The following APBA2 variants were observed in gnomAD, a reference collection of about 807,000 sequenced individuals.
APBA2 encodes the protein amyloid-beta A4 precursor protein-binding family A member 2.
In APBA2, 30 loss-of-function variants were observed where a neutral mutation model predicts 75.0. The ratio of observed to expected loss-of-function variants is 0.40; its 90% CI spans 0.30 to 0.54. The LOEUF (loss-of-function observed/expected upper bound fraction) is 0.54. APBA2 is among the 20% of genes least tolerant of loss of function. The probability of loss-of-function intolerance (pLI) is 0.49; values close to 1 mark genes in which losing one functional copy is unlikely to be tolerated. For missense variants in APBA2, 801 were observed against 1,016.1 expected (o/e 0.79, Z 2.88); for synonymous variants, 444 against 409.6 (o/e 1.08, Z -1.01).
chr15:28,958,313 G>A (rs893880511), intron 2 of APBA2, among the ~76,000 whole-genome samples: 2 of 152,240 alleles, frequency 1.3e-5, no homozygotes, highest in Non-Finnish European at 2.9e-5. Context: ...CTTTGAGTGA[G>A]CAAGACAGAA....
intron 4 of APBA2, among the ~76,000 whole-genome samples, chr15:29,074,493 A>AGGTTGG (rs988831468): frequency 2.0e-5 from 3 of 152,140 alleles, no homozygotes; most frequent in Non-Finnish European, 4.4e-5. Context: ...GCAGGGGCTC[A>AGGTTGG]GGTTGGGGTT....
intron 2 of APBA2, among the ~76,000 whole-genome samples, chr15:28,985,823 A>G (rs1195217049): frequency 6.6e-6 from 1 of 152,136 alleles, no homozygotes; most frequent in Non-Finnish European, 1.5e-5. Flanking sequence ...CTGGAATCTG[A>G]AGGAAGGAGA....
chr15:28,927,745 T>C (rs2034349966), intron 2 of APBA2, among the ~76,000 whole-genome samples: 1 of 151,814 alleles, frequency 6.6e-6, no homozygotes, highest in South Asian at 2.1e-4. Context: ...ATTCTTTGTG[T>C]GCATGTGTGT....
chr15:28,997,726 C>T (rs1049061580), intron 3 of APBA2, among the ~76,000 whole-genome samples: 4 of 152,114 alleles, frequency 2.6e-5, no homozygotes, highest in Non-Finnish European at 5.9e-5. Flanking sequence ...TCTATTTATG[C>T]CTGTAAGGTA....
intron 2 of APBA2, among the ~76,000 whole-genome samples, chr15:28,954,324 C>T (rs2036050334): frequency 6.6e-6 from 1 of 152,156 alleles, no homozygotes; most frequent in African/African-American, 2.4e-5. Flanking sequence ...AATGCTCCTC[C>T]GACCAGAGCT....
intron 10 of APBA2, 131 bp downstream of exon 10, chr15:29,101,915 A>G: frequency 2.2e-6 from 2 of 922,926 alleles, no homozygotes; most frequent in Non-Finnish European, 1.7e-6. Flanking sequence ...CCAGTGGATC[A>G]GTGATCTTTT....
intron 2 of APBA2, among the ~76,000 whole-genome samples, chr15:28,948,078 T>TG (rs771513185): frequency 3.3e-5 from 5 of 152,182 alleles, no homozygotes; most frequent in Admixed American, 1.3e-4. Context: ...AGAGAGGTGA[T>TG]GATGTGGTTA....
intron 2 of APBA2, among the ~76,000 whole-genome samples, chr15:28,962,103 C>T (rs761715942): frequency 6.6e-6 from 1 of 151,978 alleles, no homozygotes; most frequent in Admixed American, 6.6e-5. Flanking sequence ...ACTCCTGGGG[C>T]GTGAACGTGT....
chr15:28,926,387 T>G (rs940264516), intron 2 of APBA2, among the ~76,000 whole-genome samples: 1 of 152,186 alleles, frequency 6.6e-6, no homozygotes, highest in African/African-American at 2.4e-5. Context: ...AAGCCCACCT[T>G]CAAATAACAC....
In APBA2 at chr15:29,054,919, G is replaced by A; in HGVS notation, c.951+84G>A. On this transcript the variant is annotated intron_variant, in intron 4 of 14. Coordinates refer to ENST00000683413, the MANE Select transcript of APBA2 (RefSeq NM_001353788.2). The surrounding 1 kb of genome is among the most constrained non-coding windows in gnomAD (Gnocchi z 6.1). ...GGGTACAGGCCTTGCAGATGCTGAA[G>A]CGAGGCGGTGGGGGGTGCTGGGTGC... 2 of 1,351,938 alleles carry A rather than the reference G, an allele frequency of 1.5e-6. No homozygotes were observed. The highest frequency in any genetic ancestry group is 2.0e-6 in the Non-Finnish European group (2 of 979,262). 83.7% of individuals were successfully genotyped at this position (1,351,938 alleles called of 1,614,324 possible).
At chr15:29,092,021 A>T (rs2043597964) in intron 6 of APBA2, among the ~76,000 whole-genome samples, 1 of 152,216 alleles carries the variant, frequency 6.6e-6, no homozygotes, top group Admixed American at 6.5e-5. Context: ...CTGAGAGGAC[A>T]GCCAAGCCAC....
chr15:28,926,075 AAGT>A (rs1285106299), intron 2 of APBA2, among the ~76,000 whole-genome samples: 2 of 152,150 alleles, frequency 1.3e-5, no homozygotes, highest in African/African-American at 4.8e-5. Context: ...TCTGCATTTA[AAGT>A]AGATATCTTG....
At chr15:29,035,009 G>T (rs527399560) in intron 3 of APBA2, among the ~76,000 whole-genome samples, 2 of 152,208 alleles carry the variant, frequency 1.3e-5, no homozygotes, top group African/African-American at 4.8e-5. Flanking sequence ...ACAGGCTCCC[G>T]GGGAGGTCCT....
At chr15:28,897,636 AAG>A (rs1434888982) in intron 1 of APBA2, among the ~76,000 whole-genome samples, 146 of 151,040 alleles carry the variant, frequency 9.7e-4, no homozygotes, top group Admixed American at 1.7e-3. Context: ...AAAAAAAAAA[AAG>A]AGAAAAAGAG....
chr15:28,927,990 C>T (rs1373165865), intron 2 of APBA2, among the ~76,000 whole-genome samples: 1 of 149,342 alleles, frequency 6.7e-6, no homozygotes, highest in Non-Finnish European at 1.5e-5. Context: ...ATTAAAAATA[C>T]AAAATTAGCC....
intron 1 of APBA2, among the ~76,000 whole-genome samples, chr15:28,891,023 T>TA (rs2032094637): frequency 6.6e-6 from 1 of 152,106 alleles, no homozygotes; most frequent in South Asian, 2.1e-4. Context: ...AGAAAAAAAA[T>TA]ATGTGGTTGA....
chr15:28,932,211 C>T (rs2034601764), intron 2 of APBA2, among the ~76,000 whole-genome samples: 1 of 152,156 alleles, frequency 6.6e-6, no homozygotes, highest in African/African-American at 2.4e-5. Flanking sequence ...AAGAGAGGTT[C>T]ACATTCACCA....
rs772375319 is a variant in APBA2, at chr15:29,093,065, C to T, written c.1070-10C>T. 6.2e-7 allele frequency: 1 copy of T among 1,614,158 alleles called. No individual in the cohort carries two copies. Among genetic ancestry groups the T allele is most frequent in the Non-Finnish European group, 8.5e-7 (1 of 1,180,034 alleles). On this transcript the variant is annotated splice_polypyrimidine_tract_variant and intron_variant, in intron 6 of 14. Transcript: ENST00000683413. ...CTCTAGGAAGACTCTGACTCTGTGC[C>T]CTCCTTCAGTTCCAGGGCCCTGCGA...
At chr15:28,893,029 C>T (rs181468124) in intron 1 of APBA2, among the ~76,000 whole-genome samples, 128 of 152,344 alleles carry the variant, frequency 8.4e-4, no homozygotes, top group Non-Finnish European at 1.6e-3. Context: ...GCTCTAGCAT[C>T]TGTCTGGATT....
Sources: allele counts gnomAD v4.1 joint callset (sites outside exome capture counted in the v4.1 genomes callset), GRCh38; gene constraint gnomAD v4.1.1; non-coding constraint Gnocchi (gnomAD v3.1); transcripts MANE v1.5; gene names NCBI Gene and HGNC (gene_info 2026-07-23, HGNC 2026-07-21).